Variants in SVOPL observed in about 807,000 individuals in gnomAD.
SVOPL encodes the protein SVOP like.
A neutral mutation model predicts 61.0 loss-of-function variants in SVOPL; 60 were observed. The ratio of observed to expected loss-of-function variants is 0.98; its 90% confidence interval spans 0.80 to 1.22. The LOEUF is 1.22. Among genes scored for constraint, SVOPL ranks in the 50% most tolerant of loss-of-function variants. The pLI is 0.00. For missense variants in SVOPL, 662 were observed against 643.9 expected (o/e 1.03, Z -0.30); for synonymous variants, 279 against 250.0 (o/e 1.12, Z -1.09).
At chr7:138,649,594 G>A (rs920343000) in intron 7 of SVOPL, among the ~76,000 whole-genome samples, 2 of 152,080 alleles carry the variant, frequency 1.3e-5, no homozygotes, top group African/African-American at 4.8e-5. Flanking sequence ...GCTGAGCCTA[G>A]CCCGGGGTGA....
At chr7:138,691,886 G>C (rs1339676473) in intron 1 of SVOPL, among the ~76,000 whole-genome samples, 1 of 151,276 alleles carries the variant, frequency 6.6e-6, no homozygotes. Context: ...TTTTGAGACA[G>C]AGTCTCGCTC....
At chr7:138,699,126 T>C (rs1803134555) in intron 1 of SVOPL, among the ~76,000 whole-genome samples, 1 of 152,088 alleles carries the variant, frequency 6.6e-6, no homozygotes, top group South Asian at 2.1e-4. Flanking sequence ...CACTCCAGCC[T>C]AGGTGACAGA....
At chr7:138,643,833 T>C (rs1426731114) in intron 9 of SVOPL, among the ~76,000 whole-genome samples, 3 of 152,094 alleles carry the variant, frequency 2.0e-5, no homozygotes, top group African/African-American at 7.2e-5. Context: ...TGGATGGTGG[T>C]TATGGTTTCA....
At chr7:138,597,997 G>A (rs75450879) in intron 14 of SVOPL, among the ~76,000 whole-genome samples, 9,409 of 152,114 alleles carry the variant, frequency 0.062, 348 homozygotes, top group African/African-American at 0.097. Context: ...CTGAAGCTTC[G>A]TAACAAGACT....
chr7:138,660,874 A>G (rs1449629447), intron 5 of SVOPL: 1 of 985,220 alleles, frequency 1.0e-6, no homozygotes, highest in Non-Finnish European at 1.2e-6. Context: ...GCAAGTCATG[A>G]AAATGTCCAT....
At chr7:138,604,416 G>A (rs1394278330) in intron 14 of SVOPL, among the ~76,000 whole-genome samples, 1 of 152,166 alleles carries the variant, frequency 6.6e-6, no homozygotes. Flanking sequence ...GCTTACGCCT[G>A]TAATCCCAGC....
At chr7:138,653,872 A>C (rs538348306) in intron 7 of SVOPL, among the ~76,000 whole-genome samples, 1 of 151,168 alleles carries the variant, frequency 6.6e-6, no homozygotes, top group Non-Finnish European at 1.5e-5. Context: ...GGCAGAGGTT[A>C]CAGTGAGCTG....
rs1283027180 is a variant in SVOPL, at chr7:138,689,101, T to C, written c.-34-10022A>G. The C allele has an allele frequency of 3.9e-6, 3 of 767,574 alleles. No individual in the cohort carries two copies. In the African/African-American group the frequency reaches 5.1e-5, roughly 13 times the overall value. 47.5% of individuals were successfully genotyped at this position (767,574 alleles called of 1,614,324 possible). ...TCCCAGGTCATCAAGGGTATGCATA[T>C]ATGAAAAGCCACGAAGTATCTGAAA... On this transcript the variant is annotated intron_variant, in intron 1 of 15. Coordinates refer to ENST00000674285, the MANE Select transcript of SVOPL (RefSeq NM_001139456.2).
At chr7:138,605,890 C>T (rs1290531914) in intron 14 of SVOPL, among the ~76,000 whole-genome samples, 1 of 152,202 alleles carries the variant, frequency 6.6e-6, no homozygotes, top group African/African-American at 2.4e-5. Context: ...GGGTGTTTTC[C>T]AATCAACCTC....
At chr7:138,692,450 A>C (rs1802963122) in intron 1 of SVOPL, among the ~76,000 whole-genome samples, 1 of 152,170 alleles carries the variant, frequency 6.6e-6, no homozygotes, top group Non-Finnish European at 1.5e-5. Context: ...TAAACGCTCC[A>C]TGCAAAAAAT....
At chr7:138,636,879 T>C (rs1170519616) in intron 9 of SVOPL, among the ~76,000 whole-genome samples, 2 of 152,080 alleles carry the variant, frequency 1.3e-5, no homozygotes, top group African/African-American at 2.4e-5. Context: ...CCTGAAAATA[T>C]AGCTTGGAAA....
chr7:138,603,882 C>A (rs1798632594), intron 14 of SVOPL, among the ~76,000 whole-genome samples: 1 of 151,506 alleles, frequency 6.6e-6, no homozygotes, highest in South Asian at 2.1e-4. Flanking sequence ...ACACTCCCAA[C>A]TTTGTGGTCA....
At chr7:138,678,721 C>T (rs1414262911) in intron 2 of SVOPL, among the ~76,000 whole-genome samples, 196 bp from the exon 3 acceptor site, 2 of 152,162 alleles carry the variant, frequency 1.3e-5, no homozygotes, top group Non-Finnish European at 2.9e-5. Flanking sequence ...CACACACCCA[C>T]TGCCACACTG....
intron 14 of SVOPL, among the ~76,000 whole-genome samples, chr7:138,613,973 G>C (rs74440178): frequency 0.025 from 3,809 of 152,238 alleles, 164 homozygotes; most frequent in African/African-American, 0.085. Flanking sequence ...CACACCACTG[G>C]CACCTCATCT....
chr7:138,635,005 A>G (rs1304931193), intron 9 of SVOPL, among the ~76,000 whole-genome samples: 1 of 152,148 alleles, frequency 6.6e-6, no homozygotes. Flanking sequence ...GCAGTGGCTC[A>G]TGCCTGTAAT....
At chr7:138,629,114 G>A (rs928004387) in intron 10 of SVOPL, among the ~76,000 whole-genome samples, 4 of 127,192 alleles carry the variant, frequency 3.1e-5, no homozygotes, top group Admixed American at 2.6e-4. Flanking sequence ...TAATATATAA[G>A]CATGTTTTAT....
Position 138,612,444 on chromosome 7 carries a change from A to T in SVOPL, c.1353+8602T>A, listed in dbSNP as rs1799089698. ...AAAAATAAAATAAAAAATAAAAAAA[A>T]AATAAAAAAAAAAAAAAAAGAAAGA... On this transcript the variant is annotated intron_variant, in intron 14 of 15. Coordinates refer to ENST00000674285, the MANE Select transcript of SVOPL (RefSeq NM_001139456.2). Among the ~76,000 whole-genome samples the T allele has an allele frequency of 1.4e-5, 2 of 145,366 alleles. 1 individual carries two copies.
chr7:138,673,610 A>T (rs977530474), intron 3 of SVOPL, among the ~76,000 whole-genome samples: 3 of 152,086 alleles, frequency 2.0e-5, no homozygotes, highest in African/African-American at 7.2e-5. Flanking sequence ...ACACCACTGC[A>T]CTCCAGCCTG....
intron 14 of SVOPL, among the ~76,000 whole-genome samples, chr7:138,618,136 T>C (rs184072864): frequency 2.6e-4 from 40 of 152,258 alleles, no homozygotes; most frequent in African/African-American, 9.6e-4. Flanking sequence ...AGCATCTCGA[T>C]TGCACAGAAA....
Sources: gnomAD v4.1 joint callset for allele counts (sites outside exome capture counted in the v4.1 genomes callset) on GRCh38, gnomAD v4.1.1 for gene constraint, MANE v1.5 for transcripts, NCBI Gene and HGNC (gene_info 2026-07-23, HGNC 2026-07-21) for gene names.